SRPK2: variants seen among roughly 807,000 people sequenced by gnomAD.
SRPK2 encodes the protein SFRS protein kinase 2.
In SRPK2, 21 loss-of-function variants were observed where a neutral mutation model predicts 90.8. The ratio of observed to expected loss-of-function variants is 0.23; its 90% CI spans 0.16 to 0.33. The LOEUF (loss-of-function observed/expected upper bound fraction) is 0.33, where lower values mean the gene tolerates loss of function less well. SRPK2 is among the 10% of genes least tolerant of loss of function. The pLI is 1.00. For synonymous variants in SRPK2, 288 were observed against 311.1 expected, an observed-to-expected ratio of 0.93 and a Z score of 0.78; for missense variants, 620 against 869.0, an observed-to-expected ratio of 0.71 and a Z score of 3.60.
rs139392031 is a variant in SRPK2 at position 105,378,592 on chromosome 7, A to G, written c.71+10056T>C. ...ATCCTGGCCAACATGGTGAAACCCC[A>G]TCTCTACCAAAAATACAAAAATTAG... On this transcript the variant is annotated intron_variant, in intron 2 of 15. Coordinates refer to ENST00000393651, the MANE Select transcript of SRPK2 (RefSeq NM_182692.3). Among the ~76,000 whole-genome samples, 711 of 152,066 alleles carry G rather than the reference A, an allele frequency of 4.7e-3. 11 individuals are homozygous for G. In the East Asian group the frequency reaches 0.055, roughly 12 times the overall value.
At chr7:105,385,552 A>T (rs1437325695) in intron 2 of SRPK2, among the ~76,000 whole-genome samples, 1 of 152,074 alleles carries the variant, frequency 6.6e-6, no homozygotes, top group Non-Finnish European at 1.5e-5. Flanking sequence ...GAGGGTAGAC[A>T]CGCTCTGACT....
chr7:105,351,658 G>A (rs1817197941), intron 2 of SRPK2, among the ~76,000 whole-genome samples: 1 of 151,866 alleles, frequency 6.6e-6, no homozygotes, highest in African/African-American at 2.4e-5. Flanking sequence ...CAAAAAATTA[G>A]CTGGGTGTGG....
intron 2 of SRPK2, among the ~76,000 whole-genome samples, chr7:105,322,138 G>C (rs1336291147): frequency 6.6e-6 from 1 of 152,220 alleles, no homozygotes; most frequent in Non-Finnish European, 1.5e-5. Flanking sequence ...TGTTGGGCCA[G>C]GCACAGTGGC....
At chr7:105,203,188 CCA>C (rs1354828169) in intron 3 of SRPK2, among the ~76,000 whole-genome samples, 1 of 152,058 alleles carries the variant, frequency 6.6e-6, no homozygotes, top group Admixed American at 6.5e-5. Context: ...CAGTGTCTCA[CCA>C]CATTGCCCAG....
At chr7:105,165,207 C>T (rs1345093707) in intron 6 of SRPK2, among the ~76,000 whole-genome samples, 1 of 152,206 alleles carries the variant, frequency 6.6e-6, no homozygotes, top group African/African-American at 2.4e-5. Context: ...AACATGCCAA[C>T]CCTTTCTACA....
At chr7:105,205,513 TCTCTCACA>T (rs1380078853) in intron 2 of SRPK2, among the ~76,000 whole-genome samples, 642 of 61,004 alleles carry the variant, frequency 0.011, 2 homozygotes, top group East Asian at 0.05. Context: ...TCTCTCTCTC[TCTCTCACA>T]CACACACACA....
chr7:105,132,679 C>A, intron 13 of SRPK2, 112 bp downstream of exon 13: 1 of 823,940 alleles, frequency 1.2e-6, no homozygotes. Flanking sequence ...CGGTGGATGA[C>A]CCTTACAGTC....
At chr7:105,258,800 G>T (rs190397521) in intron 2 of SRPK2, among the ~76,000 whole-genome samples, 1 of 152,068 alleles carries the variant, frequency 6.6e-6, no homozygotes, top group Non-Finnish European at 1.5e-5. Context: ...TGATTATCTC[G>T]ATAGATGCAG....
At chr7:105,287,268 AAAAAAAAAAAAAAAAAG>A (rs1352997074) in intron 2 of SRPK2, among the ~76,000 whole-genome samples, 1 of 127,498 alleles carries the variant, frequency 7.8e-6, no homozygotes, top group South Asian at 2.9e-4. Context: ...CTAAAAAAAA[AAAAAAAAAAAAAAAAAG>A]AAGAAAAGGA....
rs376230959 is a variant in SRPK2 at position 105,293,459 on chromosome 7, G to A, written c.72-89674C>T. Among the ~76,000 whole-genome samples the A allele has an allele frequency of 4.4e-3, 675 of 151,822 alleles. 7 individuals are homozygous for A. Among genetic ancestry groups the A allele is most frequent in the African/African-American group, 0.016 (644 of 41,398 alleles). On this transcript the variant is annotated intron_variant, in intron 2 of 15. Transcript: ENST00000393651. The stretch of plus-strand genomic sequence containing the variant: ...AAATATCATTTCCTTTTTTGTGGGG[G>A]GGTGGGAGACAGAGTCTTTGCAACC...
At chr7:105,227,207 G>C (rs1376369439) in intron 2 of SRPK2, among the ~76,000 whole-genome samples, 1 of 152,118 alleles carries the variant, frequency 6.6e-6, no homozygotes, top group Non-Finnish European at 1.5e-5. Flanking sequence ...TTTTCCATAA[G>C]TTATTGGGGT....
chr7:105,369,462 T>C (rs1585925708), intron 2 of SRPK2, among the ~76,000 whole-genome samples: 1 of 152,070 alleles, frequency 6.6e-6, no homozygotes, highest in Admixed American at 6.6e-5. Context: ...CAAGATTTTA[T>C]TTCACAAAGC....
intron 4 of SRPK2, among the ~76,000 whole-genome samples, chr7:105,168,773 G>A (rs1372585487): frequency 1.3e-5 from 2 of 150,106 alleles, no homozygotes; most frequent in East Asian, 4.0e-4. Context: ...GTGTGTGTGT[G>A]TGTGTGTGTA....
rs76971237 is a variant in SRPK2 at position 105,143,532 on chromosome 7, T to C, written c.814-202A>G. ...AGCAGTGCTGACTGATATCACGTAC[T>C]AGGTCTACTACCAGGTCCTGCCCTC... On this transcript the variant is annotated intron_variant, in intron 9 of 15. Transcript: ENST00000393651. 2,515 of 634,252 alleles carry C rather than the reference T, an allele frequency of 4.0e-3. 11 individuals carry two copies. The highest frequency in any genetic ancestry group is 5.5e-3 in the Non-Finnish European group (2,048 of 374,174). 39.3% of individuals were successfully genotyped at this position (634,252 alleles called of 1,614,324 possible).
intron 2 of SRPK2, among the ~76,000 whole-genome samples, chr7:105,337,089 A>G (rs1384884014): frequency 3.3e-5 from 5 of 152,062 alleles, no homozygotes; most frequent in African/African-American, 1.2e-4. Context: ...GGCATGAGCC[A>G]CCCATGCCTT....
chr7:105,239,846 C>T (rs944049776), intron 2 of SRPK2, among the ~76,000 whole-genome samples: 19 of 152,328 alleles, frequency 1.2e-4, no homozygotes, highest in African/African-American at 3.8e-4. Context: ...GCAGCAGTGT[C>T]AGATTTGGCT....
rs73407822 is a variant in SRPK2, at chr7:105,271,873, A to C, written c.72-68088T>G. 2.9e-3 allele frequency among the ~76,000 whole-genome samples: 447 copies of C among 152,330 alleles called. 2 individuals are homozygous for C. Among genetic ancestry groups the C allele is most frequent in the African/African-American group, 0.01 (429 of 41,588 alleles). ...TGCTTTATTTTTCTGCAATAAAGTC[A>C]ACCAATCTTTTCCTTGTTAAATTCT... On this transcript the variant is annotated intron_variant, in intron 2 of 15. Transcript: ENST00000393651.
intron 9 of SRPK2, 115 bp downstream of exon 9, chr7:105,145,168 C>T: frequency 3.0e-6 from 2 of 669,834 alleles, no homozygotes; most frequent in African/African-American, 1.9e-5. Context: ...GGATACACAG[C>T]TTTTATAAAT....
intron 2 of SRPK2, among the ~76,000 whole-genome samples, chr7:105,336,233 T>A (rs1326343828): frequency 6.6e-6 from 1 of 152,172 alleles, no homozygotes; most frequent in Non-Finnish European, 1.5e-5. Context: ...AAAGTAATGT[T>A]CTTTTCTTTA....
Sources: allele counts gnomAD v4.1 joint callset (sites outside exome capture counted in the v4.1 genomes callset), GRCh38; gene constraint gnomAD v4.1.1; transcripts MANE v1.5; gene names NCBI Gene and HGNC (gene_info 2026-07-23, HGNC 2026-07-21).